EPM2A: variants seen among roughly 807,000 people sequenced by gnomAD.
The protein encoded by EPM2A is laforin.
Under a neutral mutation model 26.5 loss-of-function variants are expected in EPM2A, and 21 were observed. That is an observed-to-expected ratio of 0.79 (90% CI 0.56 to 1.14). The LOEUF (loss-of-function observed/expected upper bound fraction) is 1.14. Ranked by LOEUF, EPM2A falls within the 50% of genes most tolerant of loss-of-function variation. The probability of loss-of-function intolerance (pLI) is 0.00; values close to 1 mark genes in which losing one functional copy is unlikely to be tolerated. For missense variants in EPM2A, 458 were observed against 440.8 expected, an observed-to-expected ratio of 1.04 and a Z score of -0.35; for synonymous variants, 217 against 177.6, an observed-to-expected ratio of 1.22 and a Z score of -1.76.
At chr6:145,599,422 T>C (rs1444125086) in intron 2 of EPM2A, among the ~76,000 whole-genome samples, 1 of 152,046 alleles carries the variant, frequency 6.6e-6, no homozygotes, top group East Asian at 1.9e-4. Context: ...CTTTATTCTC[T>C]TTGTTCTGCT....
chr6:145,450,585 C>G (rs548033111), intron 4 of EPM2A, among the ~76,000 whole-genome samples: 6 of 152,270 alleles, frequency 3.9e-5, no homozygotes, highest in African/African-American at 1.2e-4. Context: ...CACATGCATA[C>G]TCTGATCAGT....
chr6:145,406,374 T>C (rs916061724), intron 4 of EPM2A, among the ~76,000 whole-genome samples: 2 of 152,176 alleles, frequency 1.3e-5, no homozygotes, highest in Non-Finnish European at 2.9e-5. Context: ...GCTAGATCTA[T>C]AGTTCAGATG....
intron 2 of EPM2A, among the ~76,000 whole-genome samples, chr6:145,534,457 A>G (rs1780404001): frequency 1.3e-5 from 2 of 152,228 alleles, no homozygotes; most frequent in South Asian, 2.1e-4. Flanking sequence ...GAGGGGGAGG[A>G]ATTAAGAGAT....
intron 1 of EPM2A, among the ~76,000 whole-genome samples, chr6:145,718,957 A>G (rs970930601): frequency 2.6e-5 from 4 of 152,250 alleles, no homozygotes; most frequent in African/African-American, 9.6e-5. Flanking sequence ...GGCAATCATT[A>G]AAAAGTCAGG....
At chr6:145,519,464 C>A (rs1780174833) in intron 2 of EPM2A, among the ~76,000 whole-genome samples, 3 of 152,072 alleles carry the variant, frequency 2.0e-5, no homozygotes. Context: ...CTAATGGAAT[C>A]CCCCCTCCAA....
intron 3 of EPM2A, chr6:145,627,909 T>C: frequency 3.2e-6 from 2 of 632,612 alleles, no homozygotes; most frequent in Non-Finnish European, 5.4e-6. Flanking sequence ...CCAGAGGCTC[T>C]CTCTAATCCT....
chr6:145,530,726 G>A (rs1022210517), intron 2 of EPM2A, among the ~76,000 whole-genome samples: 1 of 152,124 alleles, frequency 6.6e-6, no homozygotes, highest in Non-Finnish European at 1.5e-5. Context: ...AATCCACCTG[G>A]GAGGCAGAAA....
intron 2 of EPM2A, among the ~76,000 whole-genome samples, chr6:145,530,510 G>C (rs1780339229): frequency 6.6e-6 from 1 of 151,882 alleles, no homozygotes; most frequent in African/African-American, 2.4e-5. Context: ...GCAGACCTGA[G>C]CTTGAATTTC....
chr6:145,578,035 T>C (rs911939928), intron 2 of EPM2A, among the ~76,000 whole-genome samples: 6 of 152,130 alleles, frequency 3.9e-5, no homozygotes, highest in Non-Finnish European at 5.9e-5. Flanking sequence ...CCAAAATCTA[T>C]GGGTTATAGC....
intron 2 of EPM2A, among the ~76,000 whole-genome samples, chr6:145,525,195 G>C (rs993273594): frequency 2.7e-5 from 4 of 150,828 alleles, no homozygotes; most frequent in Admixed American, 6.6e-5. Flanking sequence ...TTTGAAGCTG[G>C]GTTAATGTGA....
chr6:145,432,074 A>G (rs536284186), intron 4 of EPM2A, among the ~76,000 whole-genome samples: 1 of 152,298 alleles, frequency 6.6e-6, no homozygotes, highest in Admixed American at 6.5e-5. Context: ...CATCTTCAGG[A>G]GCCACTACTG....
At chr6:145,683,132 G>T (rs928300995) in intron 2 of EPM2A, among the ~76,000 whole-genome samples, 1 of 152,002 alleles carries the variant, frequency 6.6e-6, no homozygotes, top group Non-Finnish European at 1.5e-5. Context: ...GGTGAATTAT[G>T]CTGGAATTTT....
intron 3 of EPM2A, chr6:145,628,450 G>A (rs752443257): frequency 6.6e-6 from 1 of 152,186 alleles, no homozygotes; most frequent in Non-Finnish European, 1.5e-5. Context: ...TCATCCCGTG[G>A]GACAGAGAAG....
rs983317962 is a variant in EPM2A, at chr6:145,686,143, T to C, written c.455A>G (p.His152Arg). ...TTDFYFNIAG[H>R]QAMHYSRILP... Reference sequence around the variant, plus strand: ...TTACCTTGAATAATGCATGGCTTGGTGGCCTGCAATATTAAAATAGAAGTC... The same window carrying C: ...TTACCTTGAATAATGCATGGCTTGGCGGCCTGCAATATTAAAATAGAAGTC... The change falls in exon 2 of 4, where the codon CAC (histidine) becomes CGC (arginine). Residue 152 changes from histidine (H) to arginine (R), a missense_variant. Physicochemically the swap from His to Arg is conservative, Grantham distance 29. Coordinates refer to ENST00000367519, the MANE Select transcript of EPM2A (RefSeq NM_005670.4). 1.2e-6 allele frequency: 2 copies of C among 1,613,766 alleles called. No individual in the cohort carries two copies. Among genetic ancestry groups the C allele is most frequent in the African/African-American group, 1.3e-5 (1 of 74,924 alleles).
chr6:145,604,366 T>C lies in EPM2A; in HGVS notation c.340+30879A>G, dbSNP rs74358727. 4.7e-3 allele frequency among the ~76,000 whole-genome samples: 715 copies of C among 152,268 alleles called. 26 individuals are homozygous for C. The East Asian group carries it at 0.085, about 18-fold the overall frequency. ...AAAAATAACATATTAGATGTTTGGA[T>C]ACCTTGACTATTTAGTATGTCTCAC... is the stretch of plus-strand genomic sequence containing the variant. On this transcript the variant is annotated intron_variant, in intron 2 of 3. Coordinates refer to the EPM2A transcript ENST00000450221.
chr6:145,464,158 G>T (rs772115296), intron 4 of EPM2A, among the ~76,000 whole-genome samples: 4 of 152,002 alleles, frequency 2.6e-5, no homozygotes, highest in African/African-American at 4.8e-5. Flanking sequence ...CCCCCATGCT[G>T]TTCTCGTGAT....
chr6:145,734,298 C>G (rs1468816251), intron 1 of EPM2A, among the ~76,000 whole-genome samples: 1 of 151,976 alleles, frequency 6.6e-6, no homozygotes, highest in Non-Finnish European at 1.5e-5. Flanking sequence ...AAAGATGTCC[C>G]TAACATATTG....
Position 145,488,518 on chromosome 6 carries a change from T to A in EPM2A, c.555+14004A>T, listed in dbSNP as rs879743943. On this transcript the variant is annotated intron_variant, in intron 4 of 4. Transcript: ENST00000638717. ...GGTTGTGTGTGTGTGTGTGTGTGTGTGTGTGAGAGAGAGAGAGAGAGAGAG... is the reference window on the plus strand; with the variant it reads ...GGTTGTGTGTGTGTGTGTGTGTGTGAGTGTGAGAGAGAGAGAGAGAGAGAG... Among the ~76,000 whole-genome samples the A allele has an allele frequency of 7.8e-3, 1,020 of 130,946 alleles. 13 individuals carry two copies. Among genetic ancestry groups the A allele is most frequent in the African/African-American group, 0.033 (970 of 29,800 alleles). 85.9% of individuals were successfully genotyped at this position (130,946 alleles called of 152,430 possible).
chr6:145,711,026 A>G (rs1027905920), intron 1 of EPM2A, among the ~76,000 whole-genome samples: 1 of 151,496 alleles, frequency 6.6e-6, no homozygotes, highest in African/African-American at 2.4e-5. Flanking sequence ...ATGTTAAATG[A>G]CGAGTTAATG....
Sources: allele counts gnomAD v4.1 joint callset (sites outside exome capture counted in the v4.1 genomes callset), GRCh38; gene constraint gnomAD v4.1.1; transcripts MANE v1.5; gene names NCBI Gene and HGNC (gene_info 2026-07-23, HGNC 2026-07-21).